Variants in GABRB2 observed in about 807,000 individuals in gnomAD.
GABRB2 encodes gamma-aminobutyric acid receptor subunit beta-2.
Under a neutral mutation model 54.7 loss-of-function variants are expected in GABRB2, and 16 were observed. The observed-to-expected ratio is 0.29, with a 90% CI of 0.20 to 0.44. GABRB2 has a LOEUF of 0.44. Ranked by LOEUF, GABRB2 falls within the 20% of genes least tolerant of loss-of-function variation. GABRB2 has a pLI of 1.00. For synonymous variants in GABRB2, 244 were observed against 233.8 expected, an observed-to-expected ratio of 1.04 and a Z score of -0.40; for missense variants, 355 against 644.0, an observed-to-expected ratio of 0.55 and a Z score of 4.86.
intron 5 of GABRB2, among the ~76,000 whole-genome samples, chr5:161,356,571 G>A: frequency 6.6e-6 from 1 of 152,130 alleles, no homozygotes; most frequent in East Asian, 1.9e-4. Context: ...GAGAGAGTGA[G>A]TCAGTTCATT....
intron 3 of GABRB2, among the ~76,000 whole-genome samples, chr5:161,490,365 A>G (rs1307435806): frequency 1.3e-5 from 2 of 151,702 alleles, no homozygotes; most frequent in African/African-American, 2.4e-5. Context: ...GCCTGGTCAG[A>G]GCCTTGTGAA....
At chr5:161,351,597 T>G (rs1754471639) in intron 5 of GABRB2, among the ~76,000 whole-genome samples, 1 of 152,058 alleles carries the variant, frequency 6.6e-6, no homozygotes, top group African/African-American at 2.4e-5. Context: ...GTAAAACTAC[T>G]AGAAGAAAAC....
Position 161,335,022 on chromosome 5 carries a change from C to T in GABRB2, c.680-118G>A. The T allele has an allele frequency of 2.0e-6, 2 of 996,966 alleles. 1 individual carries two copies. The highest frequency in any genetic ancestry group is 3.4e-5 in the South Asian group (2 of 59,672). The allele number at this position is 996,966 out of a possible 1,614,324, so 61.8% of individuals were successfully genotyped here. A position where few individuals can be genotyped will look rare whatever the true frequency, so the allele number is the denominator to read the frequency against. ...TTCAGTTTTAGCTCTTAGTGAAGGA[C>T]ACTTTCTTCTGCAAAAGTAGTCTGA... On this transcript the variant is annotated intron_variant, in intron 6 of 9. Coordinates refer to ENST00000393959, the MANE Select transcript of GABRB2 (RefSeq NM_001371727.1).
rs1580925244 is a variant in GABRB2, at chr5:161,370,627, A to C, written c.542-33858T>G. Among the ~76,000 whole-genome samples the C allele has an allele frequency of 2.6e-5, 4 of 152,170 alleles. No individual in the cohort carries two copies. In the South Asian group the frequency reaches 8.3e-4, roughly 32 times the overall value. The stretch of plus-strand genomic sequence containing the variant: ...GCATTCAATTAGGACTTTTGGCAAG[A>C]CTGGGTACTCAGTGTCTTCCAGCAA... On this transcript the variant is annotated intron_variant, in intron 5 of 9. Coordinates refer to ENST00000393959, the MANE Select transcript of GABRB2 (RefSeq NM_001371727.1).
At chr5:161,373,649 T>C (rs570665623) in intron 5 of GABRB2, among the ~76,000 whole-genome samples, 34 of 152,314 alleles carry the variant, frequency 2.2e-4, no homozygotes, top group African/African-American at 4.1e-4. Flanking sequence ...ACAAAGAAGA[T>C]GGGAAACTAA....
chr5:161,469,570 C>T (rs1229361938), intron 3 of GABRB2, among the ~76,000 whole-genome samples: 1 of 151,910 alleles, frequency 6.6e-6, no homozygotes, highest in African/African-American at 2.4e-5. Flanking sequence ...GGCAACCTAA[C>T]TTCAGTCTTC....
intron 9 of GABRB2, among the ~76,000 whole-genome samples, chr5:161,309,467 A>G (rs1757794474): frequency 6.6e-6 from 1 of 152,120 alleles, no homozygotes; most frequent in African/African-American, 2.4e-5. Context: ...CAGAGACCTA[A>G]AGACAGAAAT....
intron 3 of GABRB2, among the ~76,000 whole-genome samples, chr5:161,484,436 C>T (rs549170570): frequency 6.6e-6 from 1 of 152,008 alleles, no homozygotes; most frequent in East Asian, 2.0e-4. Context: ...AGAAATGACC[C>T]ACCTTTCAAG....
intron 9 of GABRB2, among the ~76,000 whole-genome samples, chr5:161,320,038 G>T (rs879582314): frequency 6.7e-6 from 1 of 148,804 alleles, no homozygotes; most frequent in Non-Finnish European, 1.5e-5. Context: ...TATTCATATT[G>T]TCTTCCTCTT....
At chr5:161,445,011 A>G (rs576350547) in intron 4 of GABRB2, among the ~76,000 whole-genome samples, 24 of 152,246 alleles carry the variant, frequency 1.6e-4, no homozygotes, top group African/African-American at 5.5e-4. Flanking sequence ...TCAGACTGAT[A>G]AACTAGAAAA....
chr5:161,524,232 G>T (rs544218333), intron 3 of GABRB2, among the ~76,000 whole-genome samples: 1 of 151,224 alleles, frequency 6.6e-6, no homozygotes, highest in Non-Finnish European at 1.5e-5. Context: ...GTATCCATAT[G>T]GTATTTGGCC....
chr5:161,452,096 T>C (rs574704021), intron 4 of GABRB2, among the ~76,000 whole-genome samples: 24 of 152,298 alleles, frequency 1.6e-4, no homozygotes, highest in Non-Finnish European at 3.1e-4. Flanking sequence ...ATATGCACTG[T>C]TATGCTCACA....
chr5:161,346,025 A>G (rs1754310854), intron 5 of GABRB2, among the ~76,000 whole-genome samples: 1 of 152,130 alleles, frequency 6.6e-6, no homozygotes, highest in African/African-American at 2.4e-5. Context: ...CCTAAGCATC[A>G]TTAGTGGCTT....
At chr5:161,319,564 A>G (rs1453176164) in intron 9 of GABRB2, among the ~76,000 whole-genome samples, 3 of 151,416 alleles carry the variant, frequency 2.0e-5, no homozygotes, top group African/African-American at 4.8e-5. Flanking sequence ...TGAAAAATCA[A>G]TTTCAAAAAA....
In GABRB2 at chr5:161,294,388, A is replaced by G. The variant is rs750461505; in HGVS notation, c.1232T>C (p.Ile411Thr). The G allele has an allele frequency of 6.2e-7, 1 of 1,613,960 alleles. No individual in the cohort carries two copies. The highest frequency in any genetic ancestry group is 1.7e-5 in the Admixed American group (1 of 60,008). Reference sequence around the variant, plus strand: ...CTCAGATGTGGCCATTTCATTTTTTATCTCGAGAGTGCTCAGTAAGATGTT... The same window carrying G: ...CTCAGATGTGGCCATTTCATTTTTTGTCTCGAGAGTGCTCAGTAAGATGTT... ...HENILLSTLE[I>T]KNEMATSEAV... is the part of the protein sequence containing the mutation. The change falls in exon 10 of 10, where the codon ATA (isoleucine) becomes ACA (threonine). Residue 411 changes from isoleucine to threonine, a missense_variant. Ile to Thr is a moderately conservative substitution (Grantham distance 89). Around this residue, in one of 6 missense-constraint regions of GABRB2, gnomAD observed 201 missense variants for 228.1 expected, o/e 0.88. Transcript: ENST00000393959.
At chr5:161,426,575 A>G (rs1297501205) in intron 4 of GABRB2, among the ~76,000 whole-genome samples, 1 of 152,172 alleles carries the variant, frequency 6.6e-6, no homozygotes, top group African/African-American at 2.4e-5. Context: ...GATGAAATGA[A>G]GAAAAACATC....
At chr5:161,411,368 T>C (rs1047338767) in intron 4 of GABRB2, among the ~76,000 whole-genome samples, 1 of 152,168 alleles carries the variant, frequency 6.6e-6, no homozygotes, top group Admixed American at 6.6e-5. Flanking sequence ...GTGCCAAGAC[T>C]CTATTTCACA....
At chr5:161,395,649 G>T (rs1755973917) in intron 5 of GABRB2, among the ~76,000 whole-genome samples, 1 of 152,138 alleles carries the variant, frequency 6.6e-6, no homozygotes, top group African/African-American at 2.4e-5. Flanking sequence ...AATGAAATCT[G>T]ATTTTAGATT....
chr5:161,411,634 TC>T (rs1231523752), intron 4 of GABRB2, among the ~76,000 whole-genome samples: 1 of 152,148 alleles, frequency 6.6e-6, no homozygotes, highest in Non-Finnish European at 1.5e-5. Flanking sequence ...GTTTTCATGA[TC>T]CCCTAGACAA....
Sources: gnomAD v4.1 joint callset for allele counts (sites outside exome capture counted in the v4.1 genomes callset) on GRCh38, gnomAD v4.1.1 for gene constraint, gnomAD v4.1.1 regional missense constraint, MANE v1.5 for transcripts, NCBI Gene and HGNC (gene_info 2026-07-23, HGNC 2026-07-21) for gene names.